The following ASTN2 variants were observed in gnomAD, a reference collection of about 807,000 sequenced individuals.
ASTN2 encodes astrotactin 2.
In ASTN2, 54 loss-of-function variants were observed where a neutral mutation model predicts 139.8. The observed-to-expected ratio is 0.39, with a 90% confidence interval of 0.31 to 0.48. The LOEUF is 0.48. ASTN2 is among the 20% of genes least tolerant of loss of function. The probability of loss-of-function intolerance (pLI) is 0.95; values close to 1 mark genes in which losing one functional copy is unlikely to be tolerated. For synonymous variants in ASTN2, 756 were observed against 719.5 expected, an observed-to-expected ratio of 1.05 and a Z score of -0.81; for missense variants, 1,565 against 1,725.1, an observed-to-expected ratio of 0.91 and a Z score of 1.64.
chr9:117,229,315 C>A (rs897204726), intron 2 of ASTN2, among the ~76,000 whole-genome samples: 7 of 152,192 alleles, frequency 4.6e-5, no homozygotes, highest in African/African-American at 1.7e-4. Context: ...CTTGCTGTCA[C>A]ACACAGGACT....
intron 2 of ASTN2, among the ~76,000 whole-genome samples, chr9:117,251,869 G>T (rs531696380): frequency 2.6e-5 from 4 of 152,146 alleles, no homozygotes; most frequent in Non-Finnish European, 5.9e-5. Flanking sequence ...CTTCTAAAAA[G>T]CCTGAAGCCT....
intron 13 of ASTN2, among the ~76,000 whole-genome samples, chr9:116,777,338 G>A (rs1830109465): frequency 6.6e-6 from 1 of 152,142 alleles, no homozygotes; most frequent in Non-Finnish European, 1.5e-5. Flanking sequence ...TGGGGCAGGT[G>A]TCATCATCTC....
intron 3 of ASTN2, among the ~76,000 whole-genome samples, chr9:117,196,146 C>T (rs956718395): frequency 6.6e-6 from 1 of 152,152 alleles, no homozygotes; most frequent in Non-Finnish European, 1.5e-5. Flanking sequence ...CCTGACTCAG[C>T]CATACTCCAG....
At chr9:117,311,500 T>C (rs1827975979) in intron 1 of ASTN2, among the ~76,000 whole-genome samples, 1 of 152,090 alleles carries the variant, frequency 6.6e-6, no homozygotes, top group South Asian at 2.1e-4. Flanking sequence ...GCATAGCCCA[T>C]CCAGAATCTC....
At chr9:116,437,001 T>C (rs994193253) in intron 22 of ASTN2, among the ~76,000 whole-genome samples, 4 of 147,498 alleles carry the variant, frequency 2.7e-5, no homozygotes, top group Non-Finnish European at 4.4e-5. Context: ...TAGGTGGGAA[T>C]TGAACAATGA....
At position 116,545,818 on chromosome 9, in the gene ASTN2, AC is replaced by A. The variant is rs1370776659; in HGVS notation, c.3356-58319del. ...AAACACAATTCTAGCATCTAAATAGACCTTGGTTGGTGAGTGGCCTTGGGAA... is the reference window on the plus strand; with the variant it reads ...AAACACAATTCTAGCATCTAAATAGACTTGGTTGGTGAGTGGCCTTGGGAA... On this transcript the variant is annotated intron_variant, in intron 19 of 22. Coordinates refer to ENST00000313400, the MANE Select transcript of ASTN2 (RefSeq NM_001365068.1). 1.1e-4 allele frequency: 16 copies of A among 152,174 alleles called. 1 individual carries two copies. The highest frequency in any genetic ancestry group is 1.0e-3 in the Admixed American group (16 of 15,274). The allele number at this position is 152,174 out of a possible 1,614,324, so 9.4% of individuals were successfully genotyped here.
chr9:117,286,188 AG>A (rs367701657), intron 2 of ASTN2, among the ~76,000 whole-genome samples: 118 of 152,304 alleles, frequency 7.7e-4, no homozygotes, highest in African/African-American at 2.8e-3. Context: ...TCTATGCAAA[AG>A]TGAAATATAT....
intron 17 of ASTN2, among the ~76,000 whole-genome samples, chr9:116,621,390 G>T (rs1032780648): frequency 6.6e-6 from 1 of 151,056 alleles, no homozygotes; most frequent in Non-Finnish European, 1.5e-5. Context: ...ATTGGAATGT[G>T]CTTCATAGTC....
intron 16 of ASTN2, among the ~76,000 whole-genome samples, chr9:116,720,631 T>TCACA (rs148293903): frequency 2.0e-5 from 3 of 150,864 alleles, no homozygotes; most frequent in Admixed American, 6.6e-5. Flanking sequence ...TCCCTCTCTC[T>TCACA]CACACACACA....
In ASTN2 at chr9:117,188,492, T is replaced by G. The variant is rs1490809139; in HGVS notation, c.1015+25866A>C. On this transcript the variant is annotated intron_variant, in intron 3 of 22. Coordinates refer to ENST00000313400, the MANE Select transcript of ASTN2 (RefSeq NM_001365068.1). ...CCATTTTCCAGTCACTGGCCTCTAC[T>G]TCAGTATGGAATAGCAGCTAAGGGA... Among the ~76,000 whole-genome samples, 4 of 152,116 alleles carry G rather than the reference T, an allele frequency of 2.6e-5. No homozygotes were observed. The East Asian group carries it at 5.8e-4, about 22-fold the overall frequency.
intron 7 of ASTN2, 23 bp downstream of exon 7, chr9:117,008,069 C>T (rs1281335712): frequency 1.9e-6 from 3 of 1,557,844 alleles, no homozygotes; most frequent in Admixed American, 3.7e-5. Context: ...CCTTCTATCC[C>T]CATCCCGGCT....
intron 19 of ASTN2, among the ~76,000 whole-genome samples, chr9:116,521,795 A>G (rs967468761): frequency 8.2e-5 from 10 of 122,648 alleles, no homozygotes; most frequent in Admixed American, 6.9e-4. Context: ...AGGAACTCAG[A>G]CTAATCAGCA....
chr9:116,742,288 T>G (rs1195256205), intron 13 of ASTN2, among the ~76,000 whole-genome samples: 1 of 152,226 alleles, frequency 6.6e-6, no homozygotes, highest in Non-Finnish European at 1.5e-5. Flanking sequence ...ATCATTATGT[T>G]TTATTTTAAT....
chr9:116,772,749 C>A (rs765049706), intron 13 of ASTN2, among the ~76,000 whole-genome samples: 2 of 152,174 alleles, frequency 1.3e-5, no homozygotes, highest in Admixed American at 6.5e-5. Context: ...CTCCTTACAC[C>A]AGAGCCATGT....
At position 116,771,100 on chromosome 9, in the gene ASTN2, A is replaced by G. The variant is rs187792607; in HGVS notation, c.2396+34532T>C. Among the ~76,000 whole-genome samples, 226 of 152,280 alleles carry G rather than the reference A, an allele frequency of 1.5e-3. 1 individual carries two copies. The highest frequency in any genetic ancestry group is 2.1e-3 in the Non-Finnish European group (145 of 68,012). ...ATTCCTTTGTCCTTGCCTAACAACC[A>G]TTTACCCTTCAAGATTCAACTCAGA... On this transcript the variant is annotated intron_variant, in intron 13 of 22. Transcript: ENST00000313400.
At chr9:116,804,918 T>C (rs1830990624) in intron 13 of ASTN2, among the ~76,000 whole-genome samples, 3 of 150,582 alleles carry the variant, frequency 2.0e-5, no homozygotes, top group Non-Finnish European at 2.9e-5. Context: ...TAGCTTATGG[T>C]TCTTCAAGCT....
At position 116,520,574 on chromosome 9, in the gene ASTN2, C is replaced by T. The variant is rs1056745204; in HGVS notation, c.3356-33074G>A. ...GAATGGGAAAAAAGTTGAAAGCATT[C>T]CCCCTAAGAACTGGAATAAGAGAAG... is the stretch of plus-strand genomic sequence containing the variant. On this transcript the variant is annotated intron_variant, in intron 19 of 22. Transcript: ENST00000313400. Among the ~76,000 whole-genome samples the T allele has an allele frequency of 2.6e-5, 4 of 152,078 alleles. No individual in the cohort carries two copies. In the South Asian group the frequency reaches 8.3e-4, roughly 32 times the overall value.
At chr9:117,107,853 T>C (rs71495198) in intron 4 of ASTN2, among the ~76,000 whole-genome samples, 16,551 of 152,288 alleles carry the variant, frequency 0.11, 1,116 homozygotes, top group Non-Finnish European at 0.16. Context: ...ACTACCAAAT[T>C]GTATCTGTAT....
chr9:116,960,882 C>T (rs936782118), intron 10 of ASTN2, among the ~76,000 whole-genome samples: 5 of 152,114 alleles, frequency 3.3e-5, no homozygotes, highest in Non-Finnish European at 5.9e-5. Flanking sequence ...CTGACTCAGC[C>T]CCCAGAACCT....
Sources: gnomAD v4.1 joint callset for allele counts (sites outside exome capture counted in the v4.1 genomes callset) on GRCh38, gnomAD v4.1.1 for gene constraint, MANE v1.5 for transcripts, NCBI Gene and HGNC (gene_info 2026-07-23, HGNC 2026-07-21) for gene names.